Variants in SDK2 observed in about 807,000 individuals in gnomAD.
SDK2 encodes the protein sidekick cell adhesion molecule 2.
In SDK2, 105 loss-of-function variants were observed where a neutral mutation model predicts 253.9. That is an observed-to-expected ratio of 0.41 (90% CI 0.35 to 0.49). The LOEUF is 0.49. Ranked by LOEUF, SDK2 falls within the 20% of genes least tolerant of loss-of-function variation. The pLI, the probability that SDK2 is intolerant of heterozygous loss-of-function variation, is 0.06. For synonymous variants in SDK2, 1,249 were observed against 1,234.9 expected, an observed-to-expected ratio of 1.01 and a Z score of -0.24; for missense variants, 2,608 against 3,003.0, an observed-to-expected ratio of 0.87 and a Z score of 3.07.
chr17:73,378,998 G>T (rs1037353498), intron 36 of SDK2, among the ~76,000 whole-genome samples, 179 bp downstream of exon 36: 1 of 152,156 alleles, frequency 6.6e-6, no homozygotes, highest in African/African-American at 2.4e-5. Flanking sequence ...AAATATTTCT[G>T]CGAACTGGGT....
chr17:73,505,371 T>G (rs1250488574), intron 2 of SDK2, among the ~76,000 whole-genome samples: 1 of 152,216 alleles, frequency 6.6e-6, no homozygotes, highest in African/African-American at 2.4e-5. Context: ...AAACTACTCA[T>G]AGGATTGTGG....
intron 1 of SDK2, among the ~76,000 whole-genome samples, chr17:73,531,417 C>T (rs2064168076): frequency 6.6e-6 from 1 of 152,230 alleles, no homozygotes; most frequent in Admixed American, 6.5e-5. Context: ...CACCCACTCA[C>T]CCCCAGGCCC....
intron 19 of SDK2, 86 bp downstream of exon 19, chr17:73,401,860 C>G: frequency 7.2e-7 from 1 of 1,393,194 alleles, no homozygotes; most frequent in East Asian, 2.5e-5. Flanking sequence ...GCCTGGGAGA[C>G]AAGCCTGGGC....
intron 18 of SDK2, among the ~76,000 whole-genome samples, chr17:73,403,764 G>C (rs2063048203): frequency 6.6e-6 from 1 of 152,168 alleles, no homozygotes; most frequent in Non-Finnish European, 1.5e-5. Flanking sequence ...ACACTAATTA[G>C]ACCCTCAAAA....
chr17:73,456,848 G>A (rs1482020708), intron 3 of SDK2, among the ~76,000 whole-genome samples: 4 of 152,212 alleles, frequency 2.6e-5, no homozygotes, highest in African/African-American at 9.7e-5. Context: ...TTCCAACACG[G>A]AGGCTTGGAG....
chr17:73,516,014 G>T (rs1440180272), intron 1 of SDK2, among the ~76,000 whole-genome samples: 1 of 152,176 alleles, frequency 6.6e-6, no homozygotes, highest in East Asian at 1.9e-4. Flanking sequence ...GGAAAGAGGG[G>T]CAGGGGCTGT....
intron 1 of SDK2, among the ~76,000 whole-genome samples, chr17:73,508,756 G>A (rs1402436697): frequency 1.3e-5 from 2 of 152,212 alleles, no homozygotes; most frequent in Admixed American, 1.3e-4. Context: ...CCCACAGACA[G>A]CTTCAGAGCT....
chr17:73,644,109 G>A lies in SDK2; in HGVS notation c.-21C>T, dbSNP rs1321609168. The A allele has an allele frequency of 4.5e-6, 7 of 1,544,776 alleles. No homozygotes were observed. The highest frequency in any genetic ancestry group is 6.1e-6 in the Non-Finnish European group (7 of 1,141,188). ...CACATGGTGACCAGCCTGGAGAGGG[G>A]TCCTCGGGGTCTCCCTTCCCTCCGC... On this transcript the variant is annotated 5_prime_UTR_variant, in exon 1 of 45. Coordinates refer to ENST00000392650, the MANE Select transcript of SDK2 (RefSeq NM_001144952.2). The surrounding 1 kb of genome is among the most constrained non-coding windows in gnomAD (Gnocchi z 6.3).
chr17:73,563,869 C>A (rs1169115681), intron 1 of SDK2, among the ~76,000 whole-genome samples: 1 of 151,960 alleles, frequency 6.6e-6, no homozygotes, highest in African/African-American at 2.4e-5. Flanking sequence ...ACGTTCCCAA[C>A]TCAAGTCATC....
At chr17:73,594,066 G>A (rs956025896) in intron 1 of SDK2, among the ~76,000 whole-genome samples, 3 of 152,224 alleles carry the variant, frequency 2.0e-5, no homozygotes, top group Non-Finnish European at 4.4e-5. Flanking sequence ...TTCCAATCCA[G>A]CTTTATCTAA....
chr17:73,604,106 T>C (rs790092), intron 1 of SDK2, among the ~76,000 whole-genome samples: 52,217 of 152,166 alleles, frequency 0.34, 10,407 homozygotes, highest in African/African-American at 0.56. Context: ...GCGTCAGCCT[T>C]CCTGGCCAGG....
chr17:73,561,348 G>A (rs1388242543), intron 1 of SDK2, among the ~76,000 whole-genome samples: 5 of 152,210 alleles, frequency 3.3e-5, no homozygotes, highest in African/African-American at 9.7e-5. Context: ...GGGAGGTAGA[G>A]AGGAAAGTCT....
intron 18 of SDK2, 144 bp from the exon 19 acceptor site, chr17:73,402,285 G>A (rs1391598061): frequency 1.2e-6 from 1 of 834,594 alleles, no homozygotes; most frequent in Non-Finnish European, 1.8e-6. Context: ...GGGACAGGCA[G>A]TGCAGGGAAC....
At chr17:73,574,235 T>A (rs1225688923) in intron 1 of SDK2, among the ~76,000 whole-genome samples, 2 of 152,118 alleles carry the variant, frequency 1.3e-5, no homozygotes, top group Non-Finnish European at 2.9e-5. Context: ...AATACACCAA[T>A]AAATATTTAT....
In SDK2 at chr17:73,422,417, G is replaced by A. The variant is rs763261502; in HGVS notation, c.1915C>T (p.Leu639Phe). Reference sequence around the variant, plus strand: ...GCTTTGGGGTCCACACTGGCCAGGAGTACAGTCCAGGGGGCATCTGCAGGG... The same window carrying A: ...GCTTTGGGGTCCACACTGGCCAGGAATACAGTCCAGGGGGCATCTGCAGGG... Reference protein sequence around the residue: ...MSENNAPWTVLLASVDPKATS... With the variant: ...MSENNAPWTVFLASVDPKATS... Residue 639 changes from leucine to phenylalanine, a missense_variant, in exon 15 of 45, where the codon CTC becomes TTC. Transcript: ENST00000392650. 6.2e-6 allele frequency: 10 copies of A among 1,614,042 alleles called. No homozygotes were observed. In the Admixed American group the frequency reaches 1.2e-4, roughly 19 times the overall value.
intron 1 of SDK2, among the ~76,000 whole-genome samples, chr17:73,533,120 C>T (rs143176960): frequency 3.1e-4 from 47 of 152,300 alleles, no homozygotes; most frequent in Admixed American, 5.9e-4. Flanking sequence ...CCCTACGGGA[C>T]GCAGGCAGTG....
At chr17:73,438,361 G>A (rs1393216498) in intron 6 of SDK2, among the ~76,000 whole-genome samples, 1 of 152,244 alleles carries the variant, frequency 6.6e-6, no homozygotes. Flanking sequence ...GGGCGCATCT[G>A]TGCCCGCCCA....
At chr17:73,479,882 G>A (rs1461274705) in intron 2 of SDK2, among the ~76,000 whole-genome samples, 2 of 152,154 alleles carry the variant, frequency 1.3e-5, no homozygotes, top group Non-Finnish European at 2.9e-5. Context: ...TAGTAGAGAT[G>A]GGGTTTCGCC....
chr17:73,514,340 G>A (rs927470484), intron 1 of SDK2, among the ~76,000 whole-genome samples: 6 of 152,114 alleles, frequency 3.9e-5, no homozygotes, highest in Non-Finnish European at 7.3e-5. Flanking sequence ...CTTGATATTC[G>A]CACTAAATAC....
Sources: gnomAD v4.1 joint callset for allele counts (sites outside exome capture counted in the v4.1 genomes callset) on GRCh38, gnomAD v4.1.1 for gene constraint, Gnocchi (gnomAD v3.1) non-coding constraint, MANE v1.5 for transcripts, NCBI Gene and HGNC (gene_info 2026-07-23, HGNC 2026-07-21) for gene names.